The following UBE2G2 variants were observed in gnomAD, a reference collection of about 807,000 sequenced individuals.
The protein encoded by UBE2G2 is ubiquitin-conjugating enzyme E2 G2.
UBE2G2 carries 10 observed loss-of-function variants against 23.0 expected under a neutral mutation model. That is an observed-to-expected ratio of 0.43 (90% CI 0.27 to 0.74). The LOEUF (loss-of-function observed/expected upper bound fraction) is 0.74, where lower values mean the gene tolerates loss of function less well. Ranked by LOEUF, UBE2G2 falls within the 30% of genes least tolerant of loss-of-function variation. The probability of loss-of-function intolerance (pLI) is 0.19; values close to 1 mark genes in which losing one functional copy is unlikely to be tolerated. For missense variants in UBE2G2, 150 were observed against 218.3 expected (o/e 0.69, Z 1.97); for synonymous variants, 86 against 81.3 (o/e 1.06, Z -0.31).
intron 3 of UBE2G2, among the ~76,000 whole-genome samples, chr21:44,784,987 A>C (rs528911127): frequency 3.9e-4 from 59 of 152,256 alleles, no homozygotes; most frequent in African/African-American, 1.4e-3. Flanking sequence ...TCTGTCCCAC[A>C]TAAGTGCATC....
chr21:44,800,479 A>C (rs1218083445), intron 1 of UBE2G2: 3 of 152,240 alleles, frequency 2.0e-5, no homozygotes, highest in Non-Finnish European at 4.4e-5. Context: ...AGGTACTATA[A>C]GTAACCTTGA....
chr21:44,771,247 A>C lies in UBE2G2; in HGVS notation c.*130T>G. 2 of 814,448 alleles carry C rather than the reference A, an allele frequency of 2.5e-6. No homozygotes were observed. The highest frequency in any genetic ancestry group is 3.5e-5 in the South Asian group (2 of 56,644). 50.5% of individuals were successfully genotyped at this position (814,448 alleles called of 1,614,324 possible). On this transcript the variant is annotated 3_prime_UTR_variant, in exon 6 of 6. Transcript: ENST00000345496. The surrounding 1 kb of genome is among the most constrained non-coding windows in gnomAD (Gnocchi z 4.6). ...TTGAAGTAGGAAAGGTTTGAAAAAA[A>C]AAAAAGATGCCATGGTTCTTGCAAG...
chr21:44,790,679 A>C (rs2083036383), intron 1 of UBE2G2, among the ~76,000 whole-genome samples: 1 of 152,226 alleles, frequency 6.6e-6, no homozygotes, highest in Non-Finnish European at 1.5e-5. Flanking sequence ...TGTCATGATA[A>C]GTTTCCTGAG....
chr21:44,778,899 C>G (rs235365), intron 3 of UBE2G2, among the ~76,000 whole-genome samples: 4,713 of 152,206 alleles, frequency 0.031, 111 homozygotes, highest in Middle Eastern at 0.048. Flanking sequence ...ACAGTCCACA[C>G]CAGACCTACT....
intron 3 of UBE2G2, among the ~76,000 whole-genome samples, chr21:44,782,788 A>G (rs2082966628): frequency 6.6e-6 from 1 of 152,250 alleles, no homozygotes; most frequent in Admixed American, 6.5e-5. Flanking sequence ...CACTAAGTCA[A>G]TCAAAATAGA....
chr21:44,771,439 C>T lies in UBE2G2; in HGVS notation c.436G>A (p.Asp146Asn), dbSNP rs1410809211. 7 of 1,612,872 alleles carry T rather than the reference C, an allele frequency of 4.3e-6. No individual in the cohort carries two copies. The highest frequency in any genetic ancestry group is 4.0e-5 in the African/African-American group (3 of 74,918). ...ATCTTATAGAACTGCTCCCGGTCATCGCGCCACATTTTGGACGCATCCACG... is the reference window on the plus strand; with the variant it reads ...ATCTTATAGAACTGCTCCCGGTCATTGCGCCACATTTTGGACGCATCCACG... ...ANVDASKMWR[D>N]DREQFYKIAK... The change falls in exon 6 of 6, where the codon GAT becomes AAT. Residue 146 changes from aspartate to asparagine, a missense_variant. Physicochemically the swap from Asp to Asn is conservative, Grantham distance 23. Coordinates refer to ENST00000345496, the MANE Select transcript of UBE2G2 (RefSeq NM_003343.6). The surrounding 1 kb of genome is among the most constrained non-coding windows in gnomAD (Gnocchi z 4.6).
intron 3 of UBE2G2, among the ~76,000 whole-genome samples, chr21:44,777,629 G>A (rs1569294508): frequency 6.6e-6 from 1 of 152,100 alleles, no homozygotes; most frequent in Non-Finnish European, 1.5e-5. Context: ...GCAACATGGT[G>A]AAACCCTGTC....
intron 1 of UBE2G2, chr21:44,800,424 T>C (rs1381150583): frequency 6.6e-6 from 1 of 151,896 alleles, no homozygotes; most frequent in East Asian, 1.9e-4. Context: ...AAAATACAAG[T>C]AAAAAAAATC....
Position 44,771,627 on chromosome 21 carries a change from T to C in UBE2G2, c.386-138A>G. 2 of 896,930 alleles carry C rather than the reference T, an allele frequency of 2.2e-6. No homozygotes were observed. The highest frequency in any genetic ancestry group is 1.7e-6 in the Non-Finnish European group (1 of 579,520). 55.6% of individuals were successfully genotyped at this position (896,930 alleles called of 1,614,324 possible). ...AGAAACAAAGAACCTGAGAACTGCA[T>C]GGGGTCGGCCCCACCTCTAGAGTGC... On this transcript the variant is annotated intron_variant, in intron 5 of 5. Coordinates refer to ENST00000345496, the MANE Select transcript of UBE2G2 (RefSeq NM_003343.6). This position sits in a 1 kb window ranked among gnomAD's most constrained non-coding sequence, Gnocchi z 4.6.
At chr21:44,777,057 G>C (rs1285047148) in intron 4 of UBE2G2, 1 of 410,346 alleles carries the variant, frequency 2.4e-6, no homozygotes, top group Non-Finnish European at 4.3e-6. Flanking sequence ...AAGTAGGGTG[G>C]CTGGGTCAAA....
intron 3 of UBE2G2, among the ~76,000 whole-genome samples, chr21:44,784,109 C>A (rs1224901853): frequency 4.0e-5 from 6 of 151,634 alleles, no homozygotes; most frequent in African/African-American, 1.5e-4. Flanking sequence ...TGAGCTGTGA[C>A]CAGGCCACTG....
intron 4 of UBE2G2, among the ~76,000 whole-genome samples, chr21:44,775,888 T>A (rs1475857713): frequency 6.6e-6 from 1 of 152,238 alleles, no homozygotes; most frequent in Non-Finnish European, 1.5e-5. Context: ...CATGTTATCA[T>A]CTAACTCAGG....
chr21:44,778,128 G>C (rs557963793), intron 3 of UBE2G2, among the ~76,000 whole-genome samples: 5 of 152,366 alleles, frequency 3.3e-5, no homozygotes, highest in Non-Finnish European at 1.5e-5. Context: ...TTACGGCACA[G>C]GGTATAGCAA....
At chr21:44,773,376 G>A (rs782075290) in intron 5 of UBE2G2, among the ~76,000 whole-genome samples, 171 bp downstream of exon 5, 15 of 152,192 alleles carry the variant, frequency 9.9e-5, no homozygotes, top group Admixed American at 2.0e-4. Flanking sequence ...TATGCTAGAA[G>A]GTATGCTTAC....
intron 3 of UBE2G2, among the ~76,000 whole-genome samples, chr21:44,778,071 T>G (rs2082926691): frequency 6.6e-6 from 1 of 151,926 alleles, no homozygotes. Flanking sequence ...ATCTGGGAGT[T>G]TTTTCTGCAG....
intron 1 of UBE2G2, 151 bp from the exon 2 acceptor site, chr21:44,788,246 G>T: frequency 1.2e-5 from 7 of 592,166 alleles, no homozygotes; most frequent in African/African-American, 1.9e-5. Flanking sequence ...TGAATACCTA[G>T]TACAATAACG....
At chr21:44,797,014 C>A (rs2083095637) in intron 1 of UBE2G2, among the ~76,000 whole-genome samples, 1 of 152,198 alleles carries the variant, frequency 6.6e-6, no homozygotes, top group Admixed American at 6.5e-5. Context: ...GAATAATCTC[C>A]CACTCTTTAG....
chr21:44,795,252 G>A (rs1170550799), intron 1 of UBE2G2, among the ~76,000 whole-genome samples: 6 of 151,616 alleles, frequency 4.0e-5, no homozygotes, highest in African/African-American at 1.2e-4. Context: ...GACAGAGAGA[G>A]CACCTCAAAA....
intron 4 of UBE2G2, chr21:44,774,251 A>T (rs2082896783): frequency 6.5e-6 from 1 of 154,164 alleles, no homozygotes; most frequent in African/African-American, 2.4e-5. Context: ...ATGTAGGTCA[A>T]TGTGTCTAAA....
Sources: gnomAD v4.1 joint callset for allele counts (sites outside exome capture counted in the v4.1 genomes callset) on GRCh38, gnomAD v4.1.1 for gene constraint, Gnocchi (gnomAD v3.1) non-coding constraint, MANE v1.5 for transcripts, NCBI Gene and HGNC (gene_info 2026-07-23, HGNC 2026-07-21) for gene names.